CLVS1: variants seen among roughly 807,000 people sequenced by gnomAD.
CLVS1 encodes clavesin 1.
Under a neutral mutation model 33.1 loss-of-function variants are expected in CLVS1, and 10 were observed. The observed-to-expected ratio is 0.30, with a 90% CI of 0.19 to 0.51. The LOEUF (loss-of-function observed/expected upper bound fraction) is 0.51. Ranked by LOEUF, CLVS1 falls within the 20% of genes least tolerant of loss-of-function variation. The probability of loss-of-function intolerance (pLI) is 0.97; values close to 1 mark genes in which losing one functional copy is unlikely to be tolerated. For missense variants in CLVS1, 343 were observed against 433.4 expected, an observed-to-expected ratio of 0.79 and a Z score of 1.85; for synonymous variants, 163 against 166.1, an observed-to-expected ratio of 0.98 and a Z score of 0.14.
intron 2 of CLVS1, among the ~76,000 whole-genome samples, chr8:61,242,217 A>G (rs968330474): frequency 2.0e-5 from 3 of 151,962 alleles, no homozygotes; most frequent in Non-Finnish European, 4.4e-5. Flanking sequence ...ATTTTCAGTT[A>G]TTATTTCTTC....
At chr8:61,173,958 G>A (rs775719471) in intron 2 of CLVS1, among the ~76,000 whole-genome samples, 4 of 152,180 alleles carry the variant, frequency 2.6e-5, no homozygotes, top group South Asian at 4.1e-4. Context: ...GACAAGATTC[G>A]TGGGGCATTG....
At chr8:61,493,465 T>A (rs534924488) in intron 5 of CLVS1, among the ~76,000 whole-genome samples, 9 of 152,328 alleles carry the variant, frequency 5.9e-5, no homozygotes, top group African/African-American at 2.2e-4. Flanking sequence ...ATTTATCTAA[T>A]CCTCATCATC....
intron 2 of CLVS1, among the ~76,000 whole-genome samples, chr8:61,359,604 C>T (rs372886565): frequency 6.6e-6 from 1 of 152,136 alleles, no homozygotes; most frequent in East Asian, 1.9e-4. Flanking sequence ...GATCCACCTG[C>T]CTCGGCCTCC....
chr8:61,080,808 G>A (rs926499039), intron 1 of CLVS1, among the ~76,000 whole-genome samples: 1 of 152,190 alleles, frequency 6.6e-6, no homozygotes, highest in Non-Finnish European at 1.5e-5. Context: ...ATAAATGCTG[G>A]AAGTGAAAGT....
chr8:60,996,161 A>G, the CLVS1 span, among the ~76,000 whole-genome samples: 2 of 152,142 alleles, frequency 1.3e-5, no homozygotes, highest in African/African-American at 2.4e-5. Flanking sequence ...TTAAAGTATA[A>G]TAAAAAAAAA....
intron 2 of CLVS1, among the ~76,000 whole-genome samples, chr8:61,251,146 G>C (rs1808938031): frequency 6.6e-6 from 1 of 152,076 alleles, no homozygotes; most frequent in Admixed American, 6.5e-5. Context: ...TTTTGTCTAA[G>C]GCCTTTTCTG....
At chr8:61,268,164 C>T (rs940635402) in intron 2 of CLVS1, among the ~76,000 whole-genome samples, 2 of 128,420 alleles carry the variant, frequency 1.6e-5, no homozygotes, top group East Asian at 2.6e-4. Context: ...TATCCCACCC[C>T]CCTCCCCCCA....
chr8:61,469,620 T>A (rs1017185984), intron 5 of CLVS1, among the ~76,000 whole-genome samples: 1 of 152,234 alleles, frequency 6.6e-6, no homozygotes, highest in Non-Finnish European at 1.5e-5. Context: ...AGGGTGAATT[T>A]GTGCATTTGC....
chr8:61,274,699 C>T (rs541814913), intron 2 of CLVS1, among the ~76,000 whole-genome samples: 1 of 152,286 alleles, frequency 6.6e-6, no homozygotes, highest in African/African-American at 2.4e-5. Flanking sequence ...AGCACACAAT[C>T]GCTGGCTATT....
chr8:61,332,077 A>G (rs1811622668), intron 2 of CLVS1, among the ~76,000 whole-genome samples: 1 of 152,176 alleles, frequency 6.6e-6, no homozygotes, highest in Non-Finnish European at 1.5e-5. Flanking sequence ...AAGTGTTAGT[A>G]TCTATAGGTC....
intron 5 of CLVS1, among the ~76,000 whole-genome samples, chr8:61,459,956 T>G (rs186806831): frequency 6.6e-6 from 1 of 152,298 alleles, no homozygotes; most frequent in African/African-American, 2.4e-5. Flanking sequence ...TTTCCTTCTG[T>G]GTGTGTCTGC....
chr8:61,101,059 C>G (rs1805440469), intron 1 of CLVS1, among the ~76,000 whole-genome samples: 1 of 152,018 alleles, frequency 6.6e-6, no homozygotes, highest in Non-Finnish European at 1.5e-5. Flanking sequence ...TTTTTATGTA[C>G]AAATGTTTCA....
chr8:61,442,791 G>A (rs898691675), intron 3 of CLVS1, among the ~76,000 whole-genome samples: 4 of 152,078 alleles, frequency 2.6e-5, no homozygotes, highest in African/African-American at 4.8e-5. Flanking sequence ...ATACAGATGG[G>A]GTTTCACCAT....
At chr8:61,272,177 A>T (rs1179010530) in intron 2 of CLVS1, among the ~76,000 whole-genome samples, 1 of 151,486 alleles carries the variant, frequency 6.6e-6, no homozygotes, top group Non-Finnish European at 1.5e-5. Flanking sequence ...GAGCTCTTTT[A>T]GGGCAGGCCT....
chr8:61,400,479 C>T (rs1220240861), intron 3 of CLVS1, among the ~76,000 whole-genome samples: 1 of 152,102 alleles, frequency 6.6e-6, no homozygotes, highest in Non-Finnish European at 1.5e-5. Flanking sequence ...CATCTTCAAA[C>T]AAAGATAGTT....
At chr8:61,163,381 C>G (rs374098594) in intron 2 of CLVS1, among the ~76,000 whole-genome samples, 2 of 152,126 alleles carry the variant, frequency 1.3e-5, no homozygotes, top group Non-Finnish European at 2.9e-5. Flanking sequence ...TATTAGATTA[C>G]GTCAGTACAA....
chr8:61,325,290 C>T (rs1243889936), intron 2 of CLVS1, among the ~76,000 whole-genome samples: 1 of 152,060 alleles, frequency 6.6e-6, no homozygotes, highest in Non-Finnish European at 1.5e-5. Context: ...AATCATTTCA[C>T]AATGTATACG....
intron 3 of CLVS1, chr8:61,377,633 T>G (rs1813700944): frequency 6.6e-6 from 1 of 152,214 alleles, no homozygotes. Context: ...CTCTTCAAAG[T>G]GCAAGACTAG....
chr8:61,095,259 A>T (rs1398268589), intron 1 of CLVS1, among the ~76,000 whole-genome samples: 1 of 152,196 alleles, frequency 6.6e-6, no homozygotes, highest in Non-Finnish European at 1.5e-5. Flanking sequence ...ACTATGCAAA[A>T]TAGCTCTTGG....
Sources: allele counts gnomAD v4.1 joint callset (sites outside exome capture counted in the v4.1 genomes callset), GRCh38; gene constraint gnomAD v4.1.1; transcripts MANE v1.5; gene names NCBI Gene and HGNC (gene_info 2026-07-23, HGNC 2026-07-21).